ABCA13: variants seen among roughly 807,000 people sequenced by gnomAD.
ABCA13 encodes ATP-binding cassette sub-family A member 13.
Under a neutral mutation model 478.7 loss-of-function variants are expected in ABCA13, and 476 were observed. That is an observed-to-expected ratio of 0.99 (90% CI 0.92 to 1.07). The LOEUF is 1.07. Ranked by LOEUF, ABCA13 falls within the 50% of genes least tolerant of loss-of-function variation. The pLI is 0.00. For synonymous variants in ABCA13, 2,252 were observed against 2,158.9 expected, an observed-to-expected ratio of 1.04 and a Z score of -1.20; for missense variants, 6,060 against 5,910.6, an observed-to-expected ratio of 1.03 and a Z score of -0.83.
chr7:48,227,103 A>T (rs930623848), intron 5 of ABCA13, among the ~76,000 whole-genome samples, 159 bp from the exon 6 acceptor site: 1 of 152,174 alleles, frequency 6.6e-6, no homozygotes, highest in Non-Finnish European at 1.5e-5. Context: ...CATTGTGTTC[A>T]GCAGATTGGC....
chr7:48,422,405 G>A (rs1483752937), intron 41 of ABCA13, among the ~76,000 whole-genome samples: 2 of 152,144 alleles, frequency 1.3e-5, no homozygotes, highest in Non-Finnish European at 2.9e-5. Flanking sequence ...ATAACAAGGT[G>A]TTATAGGATG....
chr7:48,405,706 A>T (rs750633841), intron 39 of ABCA13, among the ~76,000 whole-genome samples: 1 of 152,248 alleles, frequency 6.6e-6, no homozygotes, highest in African/African-American at 2.4e-5. Context: ...TCAAAGGTTT[A>T]GCTGACAGAA....
At chr7:48,333,432 T>C (rs1805717114) in intron 27 of ABCA13, among the ~76,000 whole-genome samples, 1 of 152,362 alleles carries the variant, frequency 6.6e-6, no homozygotes, top group South Asian at 2.1e-4. Context: ...CAATATCTGA[T>C]GTGTCTCAAT....
In ABCA13 at chr7:48,391,993, C is replaced by T; in HGVS notation, c.11727C>T (p.Asp3909=). ...TCAATGGCAAGAACCTACAGACAGA[C>T]CTGTCGAGGGTCAGAATGGAGCTTG... ...IIINGKNLQT[D]LSRVRMELGV... The change falls in exon 38 of 62, where the codon GAC becomes GAT. Residue 3909 remains aspartate, a synonymous_variant. Coordinates refer to ENST00000435803, the MANE Select transcript of ABCA13 (RefSeq NM_152701.5). The T allele has an allele frequency of 6.2e-7, 1 of 1,613,978 alleles. No homozygotes were observed. Among genetic ancestry groups the T allele is most frequent in the Non-Finnish European group, 8.5e-7 (1 of 1,179,880 alleles).
At chr7:48,264,174 A>C (rs186320586) in intron 15 of ABCA13, among the ~76,000 whole-genome samples, 36 of 152,070 alleles carry the variant, frequency 2.4e-4, no homozygotes, top group Admixed American at 1.7e-3. Flanking sequence ...ATATGGATGT[A>C]TCACAGTTTG....
intron 41 of ABCA13, among the ~76,000 whole-genome samples, chr7:48,415,668 TTTA>T (rs1249372027): frequency 6.6e-6 from 1 of 152,186 alleles, no homozygotes; most frequent in Admixed American, 6.5e-5. Flanking sequence ...ACTTTTAATT[TTTA>T]TTATTAAGAA....
At chr7:48,225,156 C>G (rs868755621) in intron 5 of ABCA13, among the ~76,000 whole-genome samples, 2 of 144,928 alleles carry the variant, frequency 1.4e-5, no homozygotes, top group Admixed American at 6.9e-5. Context: ...TTCCTTCCTT[C>G]CTTCCTTCCT....
At chr7:48,246,930 C>G (rs1429688415) in intron 13 of ABCA13, among the ~76,000 whole-genome samples, 1 of 151,918 alleles carries the variant, frequency 6.6e-6, no homozygotes, top group Admixed American at 6.6e-5. Context: ...GGATGCTAAG[C>G]AGGCAGAAAA....
intron 23 of ABCA13, among the ~76,000 whole-genome samples, chr7:48,306,125 A>C (rs540553603): frequency 2.0e-5 from 3 of 152,182 alleles, no homozygotes; most frequent in Non-Finnish European, 2.9e-5. Flanking sequence ...TATTTGGAAA[A>C]CCACAGGAAA....
chr7:48,279,568 G>A lies in ABCA13; in HGVS notation c.8374G>A (p.Asp2792Asn). 1 of 1,613,334 alleles carries A rather than the reference G, an allele frequency of 6.2e-7. No homozygotes were observed. Among genetic ancestry groups the A allele is most frequent in the Non-Finnish European group, 8.5e-7 (1 of 1,179,608 alleles). ...SSGIKSDYEG[D>N]LNKSLYFDTP... ...TGGAATTAAAAGTGACTATGAAGGT[G>A]ATTTGAATAAAAGTTTATATTTTGA... The change falls in exon 18 of 62, where the codon GAT (aspartate) becomes AAT (asparagine). Residue 2792 changes from aspartate (D) to asparagine (N), a missense_variant. Asp to Asn is a conservative substitution (Grantham distance 23). Transcript: ENST00000435803.
In ABCA13 at chr7:48,520,161, T is replaced by C; in HGVS notation, c.13918T>C (p.Phe4640Leu). The part of the protein sequence containing the change: ...NQIKYDLTHN[F>L]GIDSYVSPFE... ...GATCAAATATGACCTGACCCACAAC[T>C]TCGGCATTGATTCCTATGTGAGTCC... is the stretch of plus-strand genomic sequence containing the variant. The change falls in exon 53 of 62, where the codon TTC becomes CTC. Residue 4640 changes from phenylalanine (F) to leucine (L), a missense_variant. Phe to Leu is a conservative substitution (Grantham distance 22, BLOSUM62 0). Transcript: ENST00000435803. 1 of 1,613,834 alleles carries C rather than the reference T, an allele frequency of 6.2e-7. No homozygotes were observed. The highest frequency in any genetic ancestry group is 1.1e-5 in the South Asian group (1 of 91,090).
chr7:48,234,477 C>G lies in ABCA13; in HGVS notation c.897+326C>G, dbSNP rs994843025. On this transcript the variant is annotated intron_variant, in intron 8 of 61. Coordinates refer to ENST00000435803, the MANE Select transcript of ABCA13 (RefSeq NM_152701.5). The stretch of plus-strand genomic sequence containing the variant: ...TTCTGAAGACAGCGCTAGTGGGGTC[C>G]AGGTAGGAAGATGGTGCACCAGCTG... Among the ~76,000 whole-genome samples, 5 of 152,218 alleles carry G rather than the reference C, an allele frequency of 3.3e-5. No homozygotes were observed. In the South Asian group the frequency reaches 1.0e-3, roughly 32 times the overall value.
chr7:48,435,650 T>A (rs565164153), intron 42 of ABCA13, among the ~76,000 whole-genome samples: 1 of 151,784 alleles, frequency 6.6e-6, no homozygotes, highest in South Asian at 2.1e-4. Context: ...TGGGTGTGGG[T>A]TTTTCATAGA....
At chr7:48,340,971 G>T (rs1048375750) in intron 29 of ABCA13, among the ~76,000 whole-genome samples, 1 of 152,050 alleles carries the variant, frequency 6.6e-6, no homozygotes, top group Non-Finnish European at 1.5e-5. Flanking sequence ...TGATTTATTT[G>T]TTACAGGAAT....
At chr7:48,623,010 G>C (rs1277854736) in intron 59 of ABCA13, among the ~76,000 whole-genome samples, 1 of 152,140 alleles carries the variant, frequency 6.6e-6, no homozygotes, top group Non-Finnish European at 1.5e-5. Context: ...TCCTACCTGT[G>C]GTGGAGCTGC....
chr7:48,559,363 G>A (rs190118662), intron 55 of ABCA13, among the ~76,000 whole-genome samples: 1 of 152,162 alleles, frequency 6.6e-6, no homozygotes, highest in African/African-American at 2.4e-5. Flanking sequence ...TCCCTTTAAA[G>A]CCCAAGAATC....
chr7:48,317,766 C>G (rs1802804065), intron 27 of ABCA13, among the ~76,000 whole-genome samples: 1 of 152,122 alleles, frequency 6.6e-6, no homozygotes, highest in Non-Finnish European at 1.5e-5. Flanking sequence ...TTTGCTTCAC[C>G]CTGTGGAGAA....
chr7:48,368,792 CACACAG>C (rs1292935943), intron 32 of ABCA13, among the ~76,000 whole-genome samples: 6 of 149,804 alleles, frequency 4.0e-5, no homozygotes, highest in Non-Finnish European at 7.4e-5. Context: ...CACACACACA[CACACAG>C]ACATTTTCTT....
chr7:48,371,746 T>C (rs1479244418), intron 32 of ABCA13, among the ~76,000 whole-genome samples: 1 of 152,176 alleles, frequency 6.6e-6, no homozygotes, highest in Non-Finnish European at 1.5e-5. Context: ...AGAGACAGTT[T>C]GACTTCCTCT....
Sources: allele counts gnomAD v4.1 joint callset (sites outside exome capture counted in the v4.1 genomes callset), GRCh38; gene constraint gnomAD v4.1.1; transcripts MANE v1.5; gene names NCBI Gene and HGNC (gene_info 2026-07-23, HGNC 2026-07-21).